Variants in ZNF804B observed in about 807,000 individuals in gnomAD.
ZNF804B encodes zinc finger protein 804B.
Under a neutral mutation model 101.4 loss-of-function variants are expected in ZNF804B, and 80 were observed. That is an observed-to-expected ratio of 0.79 (90% CI 0.66 to 0.95). The LOEUF is 0.95. Among genes scored for constraint, ZNF804B ranks in the 40% least tolerant of loss-of-function variants. ZNF804B has a pLI of 0.00. For missense variants in ZNF804B, 1,673 were observed against 1,561.9 expected, an observed-to-expected ratio of 1.07 and a Z score of -1.20; for synonymous variants, 622 against 558.8, an observed-to-expected ratio of 1.11 and a Z score of -1.59.
At chr7:89,019,504 C>T (rs1187040264) in intron 1 of ZNF804B, among the ~76,000 whole-genome samples, 3 of 151,972 alleles carry the variant, frequency 2.0e-5, no homozygotes, top group Admixed American at 6.6e-5. Context: ...TCTGGTCTAT[C>T]GTGCACTGTA....
intron 1 of ZNF804B, among the ~76,000 whole-genome samples, chr7:89,065,851 C>T (rs1463133993): frequency 6.6e-6 from 1 of 152,144 alleles, no homozygotes; most frequent in African/African-American, 2.4e-5. Flanking sequence ...TTTATAAAGA[C>T]TCTTACAACT....
intron 1 of ZNF804B, among the ~76,000 whole-genome samples, chr7:89,097,257 T>C (rs1471343550): frequency 2.0e-5 from 3 of 152,236 alleles, no homozygotes. Flanking sequence ...TCTTGCTGGC[T>C]CATTTCACAG....
intron 1 of ZNF804B, among the ~76,000 whole-genome samples, chr7:89,206,677 A>G (rs1178359886): frequency 6.6e-6 from 1 of 152,096 alleles, no homozygotes; most frequent in Admixed American, 6.6e-5. Context: ...GCTTGAACCC[A>G]GGAGGTGGAA....
intron 2 of ZNF804B, among the ~76,000 whole-genome samples, chr7:89,275,555 T>C (rs1303519200): frequency 1.3e-5 from 2 of 151,934 alleles, no homozygotes; most frequent in African/African-American, 2.4e-5. Flanking sequence ...CTTGTAGTTC[T>C]CTTTGGCTTG....
Position 89,334,640 on chromosome 7 carries a change from A to T in ZNF804B, c.1658A>T (p.Asn553Ile). The T allele has an allele frequency of 1.2e-6, 2 of 1,613,838 alleles. No individual in the cohort carries two copies. The highest frequency in any genetic ancestry group is 1.3e-5 in the African/African-American group (1 of 75,034). ...TGGGAAAAATTCCAGAGGAAATATA[A>T]TTTGGACTACAGTGATTCTGAGCCA... ...PDWEKFQRKY[N>I]LDYSDSEPNK... The change falls in exon 4 of 4, where the codon AAT (asparagine) becomes ATT (isoleucine). Residue 553 changes from asparagine (N) to isoleucine (I), a missense_variant. By Grantham distance (149) the Asn-to-Ile change is moderately radical. Transcript: ENST00000333190.
intron 1 of ZNF804B, among the ~76,000 whole-genome samples, chr7:88,917,793 CCT>C (rs908988765): frequency 1.3e-5 from 2 of 152,192 alleles, no homozygotes; most frequent in Admixed American, 1.3e-4. Context: ...AACCCTGACA[CCT>C]CTGTTTCCAT....
chr7:88,775,134 A>AT (rs1312607183), intron 1 of ZNF804B, among the ~76,000 whole-genome samples: 1 of 152,338 alleles, frequency 6.6e-6, no homozygotes, highest in South Asian at 2.1e-4. Flanking sequence ...ATGTATAAGA[A>AT]TTTAAAATTC....
chr7:89,251,088 C>G (rs1238195565), intron 2 of ZNF804B, among the ~76,000 whole-genome samples: 1 of 152,048 alleles, frequency 6.6e-6, no homozygotes, highest in East Asian at 1.9e-4. Context: ...GAAGTCCTTC[C>G]CAGAATAATC....
intron 1 of ZNF804B, among the ~76,000 whole-genome samples, chr7:88,846,028 C>T (rs1014340192): frequency 1.3e-5 from 2 of 152,214 alleles, no homozygotes; most frequent in African/African-American, 4.8e-5. Flanking sequence ...TTTGGAATAT[C>T]ACCAGCTTTC....
chr7:88,787,531 G>A (rs1169415446), intron 1 of ZNF804B, among the ~76,000 whole-genome samples: 1 of 152,120 alleles, frequency 6.6e-6, no homozygotes, highest in African/African-American at 2.4e-5. Flanking sequence ...GCACAGTTTT[G>A]TTGCAGTGAA....
chr7:88,782,200 C>T (rs1790239823), intron 1 of ZNF804B, among the ~76,000 whole-genome samples: 1 of 151,322 alleles, frequency 6.6e-6, no homozygotes, highest in Non-Finnish European at 1.5e-5. Flanking sequence ...GTGACAGGGT[C>T]ACACATCTGT....
chr7:89,176,591 C>CTTTCTTTCTTTT (rs780648541), intron 1 of ZNF804B, among the ~76,000 whole-genome samples: 2 of 71,940 alleles, frequency 2.8e-5, no homozygotes, highest in African/African-American at 1.1e-4. Context: ...TTCTTTCTTT[C>CTTTCTTTCTTTT]TTTTTTTTTT....
At chr7:89,078,335 T>G (rs755689215) in intron 1 of ZNF804B, among the ~76,000 whole-genome samples, 10 of 152,084 alleles carry the variant, frequency 6.6e-5, no homozygotes, top group Non-Finnish European at 1.0e-4. Flanking sequence ...TAGCATAGCA[T>G]GTGCTTACTA....
intron 1 of ZNF804B, among the ~76,000 whole-genome samples, chr7:88,938,352 G>A (rs1432542840): frequency 6.6e-6 from 1 of 152,016 alleles, no homozygotes; most frequent in Admixed American, 6.6e-5. Context: ...GGGTCTGGAA[G>A]AAAAAGATCT....
intron 1 of ZNF804B, among the ~76,000 whole-genome samples, chr7:88,833,041 GT>G (rs1170880135): frequency 6.6e-6 from 1 of 151,444 alleles, no homozygotes; most frequent in Non-Finnish European, 1.5e-5. Context: ...AAATCTGATT[GT>G]TTTTATTGAA....
rs553045016 is a variant in ZNF804B at position 88,927,633 on chromosome 7, G to T, written c.108+167549G>T. On this transcript the variant is annotated intron_variant, in intron 1 of 3. Transcript: ENST00000333190. ...TCTGCAGAATATTTCTTTCTCTCTT[G>T]CTCTCTCTCTCTCTCTGTCTTGTTC... Among the ~76,000 whole-genome samples, 5 of 149,818 alleles carry T rather than the reference G, an allele frequency of 3.3e-5. No homozygotes were observed. The South Asian group carries it at 8.4e-4, about 25-fold the overall frequency.
intron 1 of ZNF804B, among the ~76,000 whole-genome samples, chr7:89,015,409 A>C (rs1475841596): frequency 6.6e-6 from 1 of 151,874 alleles, no homozygotes; most frequent in Non-Finnish European, 1.5e-5. Context: ...ATATGTATAC[A>C]TGTGCTATGC....
At chr7:88,807,316 AAG>A (rs559340046) in intron 1 of ZNF804B, among the ~76,000 whole-genome samples, 114 of 152,332 alleles carry the variant, frequency 7.5e-4, no homozygotes, top group Non-Finnish European at 1.5e-3. Context: ...GAACAATAAA[AAG>A]AACAAAAATA....
chr7:89,091,046 C>T (rs1019572219), intron 1 of ZNF804B, among the ~76,000 whole-genome samples: 5 of 152,080 alleles, frequency 3.3e-5, no homozygotes, highest in African/African-American at 1.2e-4. Flanking sequence ...AATGCTTCGT[C>T]TAAATTTATC....
Sources: gnomAD v4.1 joint callset for allele counts (sites outside exome capture counted in the v4.1 genomes callset) on GRCh38, gnomAD v4.1.1 for gene constraint, MANE v1.5 for transcripts, NCBI Gene and HGNC (gene_info 2026-07-23, HGNC 2026-07-21) for gene names.